DSCAM: variants seen among roughly 807,000 people sequenced by gnomAD.
DSCAM encodes DS cell adhesion molecule, also known as cell adhesion molecule DSCAM.
Under a neutral mutation model 217.7 loss-of-function variants are expected in DSCAM, and 47 were observed. That is an observed-to-expected ratio of 0.22 (90% CI 0.17 to 0.28). The LOEUF is 0.28. Ranked by LOEUF, DSCAM falls within the 10% of genes least tolerant of loss-of-function variation. DSCAM has a pLI of 1.00. For missense variants in DSCAM, 2,080 were observed against 2,618.3 expected (o/e 0.79, Z 4.49); for synonymous variants, 1,056 against 1,015.3 (o/e 1.04, Z -0.76).
intron 11 of DSCAM, among the ~76,000 whole-genome samples, chr21:40,214,540 C>T (rs1037489787): frequency 1.1e-4 from 17 of 151,964 alleles, no homozygotes; most frequent in African/African-American, 4.1e-4. Context: ...AGAAGGAACA[C>T]AGGACCGTAA....
intron 1 of DSCAM, among the ~76,000 whole-genome samples, chr21:40,755,273 C>A (rs935311078): frequency 1.1e-4 from 17 of 152,078 alleles, no homozygotes; most frequent in African/African-American, 3.9e-4. Context: ...TGGTGAAACA[C>A]TGTCTCTACT....
intron 4 of DSCAM, 83 bp downstream of exon 4, chr21:40,369,016 A>G (rs2074864486): frequency 7.9e-6 from 11 of 1,397,816 alleles, no homozygotes; most frequent in Non-Finnish European, 9.4e-6. Context: ...TAGTGGCAAC[A>G]CTCCACAATT....
intron 3 of DSCAM, among the ~76,000 whole-genome samples, chr21:40,391,192 T>C (rs1468262976): frequency 3.9e-5 from 6 of 152,218 alleles, no homozygotes; most frequent in African/African-American, 1.4e-4. Context: ...GTGAGAGCTA[T>C]TGCCTTACCA....
chr21:40,330,870 T>C (rs1191719421), intron 8 of DSCAM, among the ~76,000 whole-genome samples: 2 of 152,246 alleles, frequency 1.3e-5, no homozygotes, highest in Non-Finnish European at 2.9e-5. Context: ...AAAAGGATTA[T>C]ACATTTAATA....
chr21:40,558,827 G>C (rs1210191159), intron 3 of DSCAM, among the ~76,000 whole-genome samples: 1 of 152,148 alleles, frequency 6.6e-6, no homozygotes, highest in Non-Finnish European at 1.5e-5. Flanking sequence ...GATTTTAAAA[G>C]CTTGATTATT....
Position 40,369,077 on chromosome 21 carries a change from CAG to C in DSCAM, c.655+20_655+21del, listed in dbSNP as rs1214315100. The C allele has an allele frequency of 1.9e-6, 3 of 1,588,694 alleles. No homozygotes were observed. The highest frequency in any genetic ancestry group is 2.6e-6 in the Non-Finnish European group (3 of 1,166,600). On this transcript the variant is annotated intron_variant, in intron 4 of 32. Transcript: ENST00000400454. ...ACAAAGAAATAGCAGACATAGCAGA[CAG>C]AGTCTTGATAAGTTTTTACCTGATA...
chr21:40,582,507 T>C (rs1355443249), intron 3 of DSCAM, among the ~76,000 whole-genome samples: 2 of 152,226 alleles, frequency 1.3e-5, no homozygotes, highest in African/African-American at 4.8e-5. Flanking sequence ...TATATACACA[T>C]AGTATGTAGT....
At chr21:40,845,573 C>CTCTGTG (rs2092138389) in intron 1 of DSCAM, among the ~76,000 whole-genome samples, 1 of 150,574 alleles carries the variant, frequency 6.6e-6, no homozygotes, top group African/African-American at 2.5e-5. Flanking sequence ...CTCTCTCTGT[C>CTCTGTG]TCTGTGTCTG....
chr21:40,480,379 T>C (rs2075972042), intron 3 of DSCAM, among the ~76,000 whole-genome samples: 1 of 152,232 alleles, frequency 6.6e-6, no homozygotes, highest in Non-Finnish European at 1.5e-5. Flanking sequence ...ATTCTTCCCT[T>C]TAAAAATCTG....
At chr21:40,322,610 C>T (rs532656037) in intron 8 of DSCAM, among the ~76,000 whole-genome samples, 21 of 151,922 alleles carry the variant, frequency 1.4e-4, no homozygotes, top group Middle Eastern at 3.4e-3. Flanking sequence ...TGGCAACCTC[C>T]GCCTCCCAGG....
chr21:40,548,476 A>C (rs1315656842), intron 3 of DSCAM, among the ~76,000 whole-genome samples: 1 of 149,922 alleles, frequency 6.7e-6, no homozygotes, highest in Admixed American at 6.7e-5. Context: ...CCTGGATGTA[A>C]TTAATCTTCA....
rs530949037 is a variant in DSCAM, at chr21:40,323,169, C to A, written c.1784-10810G>T. 2.6e-5 allele frequency among the ~76,000 whole-genome samples: 4 copies of A among 152,322 alleles called. No individual in the cohort carries two copies. The East Asian group carries it at 5.8e-4, about 22-fold the overall frequency. The stretch of plus-strand genomic sequence containing the variant: ...TCATTGGCCTGCATCCCAGCTCACT[C>A]TTTCTTCGCCCAGTCCTTCTTCCTG... On this transcript the variant is annotated intron_variant, in intron 8 of 32. Coordinates refer to ENST00000400454, the MANE Select transcript of DSCAM (RefSeq NM_001389.5).
Position 40,369,105 on chromosome 21 carries a change from C to G in DSCAM, c.649G>C (p.Val217Leu). ...TRQSNSARLFVSDPANSAPSI... is the reference protein window; with the variant it reads ...TRQSNSARLFLSDPANSAPSI... The stretch of plus-strand genomic sequence containing the variant: ...AGTCTTGATAAGTTTTTACCTGATA[C>G]AAAAAGTCTGGCGCTGTTGCTCTGC... The change falls in exon 4 of 33, where the codon GTA (valine) becomes CTA (leucine). Residue 217 changes from valine (V) to leucine (L), a missense_variant. By Grantham distance (32) the Val-to-Leu change is conservative. This residue lies in a region of DSCAM where 568 missense variants were observed against 678.1 expected (regional missense o/e 0.84). Transcript: ENST00000400454. The G allele has an allele frequency of 1.2e-6, 2 of 1,606,810 alleles. No individual in the cohort carries two copies. The highest frequency in any genetic ancestry group is 2.3e-5 in the South Asian group (2 of 88,876).
intron 1 of DSCAM, among the ~76,000 whole-genome samples, chr21:40,756,686 G>A (rs750051598): frequency 6.6e-6 from 1 of 151,902 alleles, no homozygotes; most frequent in South Asian, 2.1e-4. Flanking sequence ...GCCACCACGC[G>A]CAGCCCAGGC....
chr21:40,220,838 A>C (rs956630233), intron 11 of DSCAM, among the ~76,000 whole-genome samples: 1 of 152,154 alleles, frequency 6.6e-6, no homozygotes, highest in African/African-American at 2.4e-5. Flanking sequence ...CCCAACCAAA[A>C]GGTGGTCATT....
chr21:40,721,033 T>C lies in DSCAM; in HGVS notation c.44-12262A>G, dbSNP rs75256518. On this transcript the variant is annotated intron_variant, in intron 1 of 32. Coordinates refer to ENST00000400454, the MANE Select transcript of DSCAM (RefSeq NM_001389.5). ...GAAGCTCACACAGGGGAGAAAATAG[T>C]TCATGTTTCAACCAGCAAAAGAGGT... Among the ~76,000 whole-genome samples the C allele has an allele frequency of 7.2e-5, 11 of 152,258 alleles. No homozygotes were observed. In the East Asian group the frequency reaches 2.1e-3, roughly 29 times the overall value.
intron 3 of DSCAM, among the ~76,000 whole-genome samples, chr21:40,386,837 T>C (rs1262541778): frequency 6.6e-6 from 1 of 152,212 alleles, no homozygotes; most frequent in Non-Finnish European, 1.5e-5. Context: ...CATTTTTGCT[T>C]TACAACCATC....
chr21:40,164,357 C>A (rs1387958984), intron 16 of DSCAM, among the ~76,000 whole-genome samples: 2 of 152,082 alleles, frequency 1.3e-5, no homozygotes, highest in South Asian at 2.1e-4. Context: ...GGGTAGGTAT[C>A]CCTGGGAAGG....
intron 18 of DSCAM, among the ~76,000 whole-genome samples, chr21:40,137,594 TACACACAC>T (rs3988428): frequency 0.011 from 1,445 of 134,972 alleles, 37 homozygotes; most frequent in East Asian, 0.041. Flanking sequence ...GGCTGTTTAA[TACACACAC>T]ACACACACAC....
Sources: gnomAD v4.1 joint callset for allele counts (sites outside exome capture counted in the v4.1 genomes callset) on GRCh38, gnomAD v4.1.1 for gene constraint, gnomAD v4.1.1 regional missense constraint, MANE v1.5 for transcripts, NCBI Gene and HGNC (gene_info 2026-07-23, HGNC 2026-07-21) for gene names.